Variants in KIAA1586 observed in about 807,000 individuals in gnomAD.
KIAA1586 encodes KIAA1586.
Under a neutral mutation model 6.1 loss-of-function variants are expected in KIAA1586, and 5 were observed. The ratio of observed to expected loss-of-function variants is 0.82; its 90% CI spans 0.43 to 1.73. The LOEUF is 1.73. Among genes scored for constraint, KIAA1586 ranks in the 40% most tolerant of loss-of-function variants. The pLI is 0.02. For missense variants in KIAA1586, 899 were observed against 878.2 expected, an observed-to-expected ratio of 1.02 and a Z score of -0.30; for synonymous variants, 280 against 301.7, an observed-to-expected ratio of 0.93 and a Z score of 0.75.
At chr6:57,055,895 C>A (rs1300015443), downstream of KIAA1586, among the ~76,000 whole-genome samples, 1 of 152,116 alleles carries the variant, frequency 6.6e-6, no homozygotes, top group Admixed American at 6.6e-5. Context: ...ATTGAGACTT[C>A]AGCAGATGCA....
chr6:57,049,228 C>T (rs1463715849), intron 2 of KIAA1586, among the ~76,000 whole-genome samples: 1 of 152,128 alleles, frequency 6.6e-6, no homozygotes, highest in Non-Finnish European at 1.5e-5. Flanking sequence ...AACTTAATTC[C>T]ACTTTGAAAT....
At chr6:57,052,597 T>G (rs1035972502) in intron 3 of KIAA1586, 89 bp from the exon 4 acceptor site, 1 of 1,007,960 alleles carries the variant, frequency 9.9e-7, no homozygotes, top group South Asian at 2.6e-5. Flanking sequence ...AAAATGTATT[T>G]CCAAAATTAG....
At chr6:57,063,132 A>T in the KIAA1586 span, among the ~76,000 whole-genome samples, 1 of 151,996 alleles carries the variant, frequency 6.6e-6, no homozygotes, top group Non-Finnish European at 1.5e-5. Flanking sequence ...TTTGGAAGGT[A>T]CCCCTTCAAT....
At chr6:57,062,528 G>A in the KIAA1586 span, among the ~76,000 whole-genome samples, 1 of 152,098 alleles carries the variant, frequency 6.6e-6, no homozygotes, top group Non-Finnish European at 1.5e-5. Flanking sequence ...CTTAAATATT[G>A]TTTGAATTGA....
Position 57,053,571 on chromosome 6 carries a change from A to C in KIAA1586, c.1072A>C (p.Ile358Leu). The C allele has an allele frequency of 6.2e-7, 1 of 1,612,270 alleles. No homozygotes were observed. Among genetic ancestry groups the C allele is most frequent in the Non-Finnish European group, 8.5e-7 (1 of 1,178,666 alleles). The change falls in exon 4 of 4, where the codon ATA (isoleucine) becomes CTA (leucine). Residue 358 changes from isoleucine (I) to leucine (L), a missense_variant. Physicochemically the swap from Ile to Leu is conservative, Grantham distance 5 (BLOSUM62 2). Coordinates refer to ENST00000370733, the MANE Select transcript of KIAA1586 (RefSeq NM_020931.4). ...GGCTTTAAAAGAATTGGTGTCAACT[A>C]TAGCAGAGTGTATTGTCAATACATT... ...FVALKELVST[I>L]AECIVNTLLT...
the KIAA1586 span, among the ~76,000 whole-genome samples, chr6:57,061,039 G>A: frequency 4.0e-5 from 6 of 151,224 alleles, no homozygotes; most frequent in Non-Finnish European, 8.8e-5. Context: ...GTACAATGGC[G>A]CGATCTTGGC....
downstream of KIAA1586, among the ~76,000 whole-genome samples, chr6:57,059,058 T>C (rs1828532989): frequency 6.6e-6 from 1 of 152,188 alleles, no homozygotes; most frequent in South Asian, 2.1e-4. Flanking sequence ...GGTTTGTGAG[T>C]CTACTTTGTC....
intron 3 of KIAA1586, among the ~76,000 whole-genome samples, chr6:57,051,984 T>C (rs895225184): frequency 6.6e-6 from 1 of 151,586 alleles, no homozygotes; most frequent in Non-Finnish European, 1.5e-5. Flanking sequence ...AAAAAAAAAA[T>C]TTTTTTTTAA....
chr6:57,060,606 C>T, the KIAA1586 span, among the ~76,000 whole-genome samples: 1 of 152,196 alleles, frequency 6.6e-6, no homozygotes, highest in South Asian at 2.1e-4. Flanking sequence ...CTGTGCCCTC[C>T]GTCTGTTGCT....
chr6:57,056,105 A>G (rs950213920), downstream of KIAA1586, among the ~76,000 whole-genome samples: 9 of 150,796 alleles, frequency 6.0e-5, no homozygotes, highest in East Asian at 1.8e-3. Context: ...CTGGAGTGCA[A>G]TGGCGCAATC....
intron 3 of KIAA1586, among the ~76,000 whole-genome samples, chr6:57,051,225 CCTT>C (rs1182143379): frequency 2.7e-5 from 4 of 147,840 alleles, no homozygotes; most frequent in East Asian, 1.9e-4. Context: ...GAGCAAGACT[CCTT>C]CTCAAAAAAA....
chr6:57,049,477 G>A lies in KIAA1586; in HGVS notation c.106-1297G>A, dbSNP rs142116778. On this transcript the variant is annotated intron_variant, in intron 2 of 3. Coordinates refer to ENST00000370733, the MANE Select transcript of KIAA1586 (RefSeq NM_020931.4). ...GTTGATTATCTAGCCTTCATTCTGC[G>A]TTGTGGCACAGAATCCTCTTTGTGT... is the stretch of plus-strand genomic sequence containing the variant. 1.9e-4 allele frequency among the ~76,000 whole-genome samples: 29 copies of A among 152,212 alleles called. No individual in the cohort carries two copies. The East Asian group carries it at 3.5e-3, about 18-fold the overall frequency.
chr6:57,054,780 A>T lies in KIAA1586; in HGVS notation c.2281A>T (p.Arg761Trp). The T allele has an allele frequency of 6.4e-7, 1 of 1,551,434 alleles. No homozygotes were observed. The highest frequency in any genetic ancestry group is 8.7e-7 in the Non-Finnish European group (1 of 1,146,808). Residue 761 changes from arginine to tryptophan, a missense_variant, in exon 4 of 4, where the codon AGG becomes TGG. Arg to Trp is a moderately radical substitution (Grantham distance 101). Coordinates refer to ENST00000370733, the MANE Select transcript of KIAA1586 (RefSeq NM_020931.4). The stretch of plus-strand genomic sequence containing the variant: ...AAAATCTTGGTCAAATTGCAACCAC[A>T]GGTTGGCTACAGATACAAGAGTTCG... ...FVKSWSNCNHRLATDTRVRQK... is the reference protein window; with the variant it reads ...FVKSWSNCNHWLATDTRVRQK...
At chr6:57,056,910 GC>G (rs1489770746), downstream of KIAA1586, among the ~76,000 whole-genome samples, 1 of 151,810 alleles carries the variant, frequency 6.6e-6, no homozygotes, top group Non-Finnish European at 1.5e-5. Flanking sequence ...ATGAATAAAA[GC>G]CTAAATAAGA....
downstream of KIAA1586, among the ~76,000 whole-genome samples, chr6:57,059,486 G>T (rs1828537548): frequency 6.6e-6 from 1 of 151,710 alleles, no homozygotes; most frequent in African/African-American, 2.4e-5. Context: ...AGCTACTCGG[G>T]AGGCTGAGGC....
chr6:57,061,079 G>A, the KIAA1586 span, among the ~76,000 whole-genome samples: 1 of 151,836 alleles, frequency 6.6e-6, no homozygotes, highest in Non-Finnish European at 1.5e-5. Context: ...CCTGGTTCAA[G>A]CGATTCTCCT....
chr6:57,062,266 T>C, the KIAA1586 span, among the ~76,000 whole-genome samples: 1 of 152,214 alleles, frequency 6.6e-6, no homozygotes, highest in Non-Finnish European at 1.5e-5. Context: ...ATGCATTGAT[T>C]GTCTCCATTT....
At position 57,053,147 on chromosome 6, in the gene KIAA1586, T is replaced by C. The variant is rs376327619; in HGVS notation, c.648T>C (p.His216=). 5 of 1,610,868 alleles carry C rather than the reference T, an allele frequency of 3.1e-6. No individual in the cohort carries two copies. The highest frequency in any genetic ancestry group is 1.3e-5 in the African/African-American group (1 of 74,634). Residue 216 remains histidine, a synonymous_variant, in exon 4 of 4, where the codon CAT becomes CAC. Coordinates refer to ENST00000370733, the MANE Select transcript of KIAA1586 (RefSeq NM_020931.4). ...KIREHDVSKA[H]GKIQDLLKES... is the part of the protein sequence containing the mutation. ...GGGAACATGATGTTTCTAAAGCCCA[T>C]GGTAAAATTCAGGATTTGTTAAAGG...
chr6:57,054,951 GTTAAACTT>G lies in KIAA1586; in HGVS notation c.*92_*99del. On this transcript the variant is annotated 3_prime_UTR_variant, in exon 4 of 4. Transcript: ENST00000370733. The stretch of plus-strand genomic sequence containing the variant: ...GGTCTTTTTTTTTTTTGGAAAGCCA[GTTAAACTT>G]TTATCAGCATGTTGCTGTTTAAAAG... 1 of 1,355,940 alleles carries G rather than the reference GTTAAACTT, an allele frequency of 7.4e-7. No homozygotes were observed. The allele number at this position is 1,355,940 out of a possible 1,614,324, so 84.0% of individuals were successfully genotyped here.
Sources: gnomAD v4.1 joint callset for allele counts (sites outside exome capture counted in the v4.1 genomes callset) on GRCh38, gnomAD v4.1.1 for gene constraint, MANE v1.5 for transcripts, NCBI Gene and HGNC (gene_info 2026-07-23, HGNC 2026-07-21) for gene names.